The following PPARGC1A variants were observed in gnomAD, a reference collection of about 807,000 sequenced individuals.
The protein encoded by PPARGC1A is peroxisome proliferator-activated receptor gamma coactivator 1-alpha.
In PPARGC1A, 25 loss-of-function variants were observed where a neutral mutation model predicts 88.7. The ratio of observed to expected loss-of-function variants is 0.28; its 90% CI spans 0.21 to 0.39. PPARGC1A has a LOEUF of 0.39. Among genes scored for constraint, PPARGC1A ranks in the 10% least tolerant of loss-of-function variants. The pLI is 1.00. For synonymous variants in PPARGC1A, 363 were observed against 355.6 expected (o/e 1.02, Z -0.24); for missense variants, 880 against 968.7 (o/e 0.91, Z 1.22).
At chr4:24,160,159 T>C in the PPARGC1A span, among the ~76,000 whole-genome samples, 1 of 152,214 alleles carries the variant, frequency 6.6e-6, no homozygotes, top group Non-Finnish European at 1.5e-5. Context: ...ACCTCTAATC[T>C]CTCAGTCAGA....
At chr4:23,967,237 C>T in the PPARGC1A span, among the ~76,000 whole-genome samples, 1,848 of 152,254 alleles carry the variant, frequency 0.012, 50 homozygotes, top group East Asian at 0.087. Flanking sequence ...CATCCCGTGG[C>T]CTTTTTGGAA....
rs1718873574 is a variant in PPARGC1A at position 23,802,152 on chromosome 4, CCAGTA to C, written c.2141+67_2141+71del. 3.4e-5 allele frequency: 54 copies of C among 1,598,228 alleles called. No individual in the cohort carries two copies. In the South Asian group the frequency reaches 5.6e-4, roughly 17 times the overall value. On this transcript the variant is annotated intron_variant, in intron 11 of 12. Coordinates refer to ENST00000264867, the MANE Select transcript of PPARGC1A (RefSeq NM_013261.5). ...AGCACTTACATTGGCAACTCCCATC[CCAGTA>C]ATCTTATGGCCATAATTTTTTACAT...
At chr4:23,915,817 TA>T in the PPARGC1A span, among the ~76,000 whole-genome samples, 2 of 152,138 alleles carry the variant, frequency 1.3e-5, no homozygotes, top group Non-Finnish European at 2.9e-5. Context: ...ATGACCAGCA[TA>T]AAATAAAAGG....
chr4:24,361,635 C>A, the PPARGC1A span, among the ~76,000 whole-genome samples: 51,390 of 152,008 alleles, frequency 0.34, 8,905 homozygotes, highest in South Asian at 0.39. Flanking sequence ...TAGCTTAAAA[C>A]AATCCAAATC....
At chr4:24,384,979 C>A in the PPARGC1A span, among the ~76,000 whole-genome samples, 6 of 152,108 alleles carry the variant, frequency 3.9e-5, no homozygotes, top group Non-Finnish European at 8.8e-5. Context: ...CTACAATTGA[C>A]CACATAATTG....
At chr4:23,987,899 C>T in the PPARGC1A span, among the ~76,000 whole-genome samples, 1 of 152,028 alleles carries the variant, frequency 6.6e-6, no homozygotes, top group African/African-American at 2.4e-5. Context: ...ATCAACCCGT[C>T]ACCTACATTA....
the PPARGC1A span, among the ~76,000 whole-genome samples, chr4:24,038,666 T>G: frequency 4.6e-5 from 7 of 152,178 alleles, no homozygotes; most frequent in Non-Finnish European, 1.0e-4. Context: ...AGTCATTCTA[T>G]CTGGGTTGCT....
the PPARGC1A span, among the ~76,000 whole-genome samples, chr4:24,298,482 C>T: frequency 6.6e-6 from 1 of 152,168 alleles, no homozygotes; most frequent in Non-Finnish European, 1.5e-5. Flanking sequence ...GTAGCAACCA[C>T]TCCATAAATA....
chr4:24,208,236 A>T, the PPARGC1A span, among the ~76,000 whole-genome samples: 4,955 of 152,128 alleles, frequency 0.033, 173 homozygotes, highest in East Asian at 0.15. Context: ...TGAGCTATGA[A>T]CATCCCACCA....
chr4:24,209,868 C>T, the PPARGC1A span, among the ~76,000 whole-genome samples: 1 of 152,104 alleles, frequency 6.6e-6, no homozygotes, highest in East Asian at 1.9e-4. Flanking sequence ...CTGATAGGAG[C>T]ACATAATCAG....
At chr4:24,320,310 C>T in the PPARGC1A span, among the ~76,000 whole-genome samples, 5 of 152,050 alleles carry the variant, frequency 3.3e-5, no homozygotes, top group African/African-American at 1.2e-4. Flanking sequence ...CTTTTTTATT[C>T]TAGAATAAAT....
chr4:24,465,362 T>G, the PPARGC1A span, among the ~76,000 whole-genome samples: 1 of 152,204 alleles, frequency 6.6e-6, no homozygotes, highest in African/African-American at 2.4e-5. Context: ...AAGAAACATT[T>G]TAATATAATT....
At chr4:24,313,589 A>G in the PPARGC1A span, among the ~76,000 whole-genome samples, 1 of 152,240 alleles carries the variant, frequency 6.6e-6, no homozygotes, top group Non-Finnish European at 1.5e-5. Context: ...CAGCCAGTAT[A>G]TTACAACCCA....
the PPARGC1A span, among the ~76,000 whole-genome samples, chr4:24,028,171 C>G: frequency 6.6e-6 from 1 of 152,100 alleles, no homozygotes; most frequent in Non-Finnish European, 1.5e-5. Context: ...AAAATTTATT[C>G]TCATAGTAAG....
the PPARGC1A span, among the ~76,000 whole-genome samples, chr4:23,942,234 A>T: frequency 6.6e-6 from 1 of 152,336 alleles, no homozygotes; most frequent in East Asian, 1.9e-4. Context: ...AGGGAGTAAT[A>T]CACAGGAACC....
chr4:24,113,716 C>T, the PPARGC1A span, among the ~76,000 whole-genome samples: 1 of 152,076 alleles, frequency 6.6e-6, no homozygotes, highest in Non-Finnish European at 1.5e-5. Flanking sequence ...AGACTTTTGC[C>T]CCTGCTTTTC....
At chr4:24,069,405 G>A in the PPARGC1A span, among the ~76,000 whole-genome samples, 1 of 152,196 alleles carries the variant, frequency 6.6e-6, no homozygotes, top group Admixed American at 6.5e-5. Flanking sequence ...GGTTAAATAT[G>A]TGTTATTTCA....
chr4:24,243,667 G>C, the PPARGC1A span, among the ~76,000 whole-genome samples: 2 of 152,132 alleles, frequency 1.3e-5, no homozygotes, highest in Non-Finnish European at 2.9e-5. Flanking sequence ...GTACAATATA[G>C]GTGTGAAGGC....
chr4:23,967,274 C>T, the PPARGC1A span, among the ~76,000 whole-genome samples: 2 of 152,184 alleles, frequency 1.3e-5, no homozygotes, highest in African/African-American at 2.4e-5. Flanking sequence ...TGACAATCCA[C>T]CACAGAAAAC....
Sources: allele counts gnomAD v4.1 joint callset (sites outside exome capture counted in the v4.1 genomes callset), GRCh38; gene constraint gnomAD v4.1.1; transcripts MANE v1.5; gene names NCBI Gene and HGNC (gene_info 2026-07-23, HGNC 2026-07-21).